Variants in ZBTB17 observed in about 807,000 individuals in gnomAD.
ZBTB17 encodes the protein zinc finger and BTB domain-containing protein 17.
Under a neutral mutation model 85.1 loss-of-function variants are expected in ZBTB17, and 24 were observed. The ratio of observed to expected loss-of-function variants is 0.28; its 90% confidence interval spans 0.20 to 0.40. ZBTB17 has a LOEUF of 0.40. ZBTB17 is among the 10% of genes least tolerant of loss of function. ZBTB17 has a pLI of 1.00. For synonymous variants in ZBTB17, 464 were observed against 460.2 expected (o/e 1.01, Z -0.11); for missense variants, 743 against 1,105.1 (o/e 0.67, Z 4.65).
rs1031714729 is a variant in ZBTB17 at position 15,944,387 on chromosome 1, G to T, written c.1284C>A (p.Ser428=). 1 of 1,560,798 alleles carries T rather than the reference G, an allele frequency of 6.4e-7. No homozygotes were observed. The highest frequency in any genetic ancestry group is 8.7e-7 in the Non-Finnish European group (1 of 1,152,838). Residue 428 remains serine, a synonymous_variant, in exon 9 of 16, where the codon TCC becomes TCA. Transcript: ENST00000375743. ...YQCDYCGRSF[S]DPTSKMRHLE... ...GGTGGCGCATCTTGGAAGTGGGGTC[G>T]GAGAAGGAGCGGCCGCAGTAGTCGC...
intron 4 of ZBTB17, among the ~76,000 whole-genome samples, 176 bp from the exon 5 acceptor site, chr1:15,946,470 C>T: frequency 6.6e-6 from 1 of 152,360 alleles, no homozygotes; most frequent in Middle Eastern, 3.4e-3. Context: ...CCATGCCAGG[C>T]TGATGGCTGG....
At chr1:15,955,591 A>C (rs1380608853) in intron 2 of ZBTB17, among the ~76,000 whole-genome samples, 1 of 152,212 alleles carries the variant, frequency 6.6e-6, no homozygotes, top group Non-Finnish European at 1.5e-5. Flanking sequence ...AATCTTAAAA[A>C]TGTCTAAATA....
intron 3 of ZBTB17, 153 bp downstream of exon 3, chr1:15,948,138 C>A: frequency 1.1e-6 from 1 of 876,076 alleles, no homozygotes; most frequent in South Asian, 1.5e-5. Context: ...GTGGGAGGAA[C>A]TTAGTACTGA....
intron 2 of ZBTB17, among the ~76,000 whole-genome samples, chr1:15,962,819 T>C (rs1018450556): frequency 6.6e-6 from 1 of 152,136 alleles, no homozygotes; most frequent in Non-Finnish European, 1.5e-5. Flanking sequence ...CACATGACTG[T>C]AGTCCCAGCT....
intron 2 of ZBTB17, among the ~76,000 whole-genome samples, chr1:15,970,930 T>C (rs1306374936): frequency 2.0e-5 from 3 of 152,204 alleles, no homozygotes; most frequent in Non-Finnish European, 4.4e-5. Context: ...TGCACTGTGA[T>C]AGCAACCTAG....
At chr1:15,960,058 A>G (rs1198491060) in intron 2 of ZBTB17, among the ~76,000 whole-genome samples, 1 of 152,246 alleles carries the variant, frequency 6.6e-6, no homozygotes, top group African/African-American at 2.4e-5. Context: ...AAACAGAGGA[A>G]GCCCCCTGAC....
chr1:15,969,505 G>A (rs906237057), intron 2 of ZBTB17: 3 of 274,168 alleles, frequency 1.1e-5, no homozygotes, highest in African/African-American at 2.3e-5. Context: ...CTAGGTGCAC[G>A]GGGGCCGAGG....
chr1:15,943,023 G>A, intron 13 of ZBTB17, 41 bp downstream of exon 13: 1 of 1,608,740 alleles, frequency 6.2e-7, no homozygotes, highest in Non-Finnish European at 8.5e-7. Context: ...CCTGGCAGCA[G>A]GGCCTGGGAA....
chr1:15,944,658 TGGCAGGGGCC>T (rs1190408580), intron 8 of ZBTB17, 29 bp downstream of exon 8: 1 of 1,602,552 alleles, frequency 6.2e-7, no homozygotes, highest in Non-Finnish European at 8.5e-7. Flanking sequence ...AGGCCGGGCC[TGGCAGGGGCC>T]GGGGTAGGAG....
intron 12 of ZBTB17, 58 bp downstream of exon 12, chr1:15,943,341 T>C: frequency 6.3e-7 from 1 of 1,581,342 alleles, no homozygotes; most frequent in South Asian, 1.2e-5. Flanking sequence ...CCAGTTTGTC[T>C]TCTGAGCCCC....
Position 15,942,755 on chromosome 1 carries a change from C to T in ZBTB17, c.1829-17G>A. ...GCTTCTCTCCTGGGGGAGCAAGGTT[C>T]TCTCTTGCCTTTGTGGGAAGGGGCC... is the stretch of plus-strand genomic sequence containing the variant. On this transcript the variant is annotated splice_polypyrimidine_tract_variant and intron_variant, in intron 13 of 15. Transcript: ENST00000375743. 1 of 1,612,018 alleles carries T rather than the reference C, an allele frequency of 6.2e-7. No individual in the cohort carries two copies. Among genetic ancestry groups the T allele is most frequent in the Non-Finnish European group, 8.5e-7 (1 of 1,179,444 alleles).
chr1:15,954,693 A>T (rs568661016), intron 2 of ZBTB17, among the ~76,000 whole-genome samples: 3 of 152,144 alleles, frequency 2.0e-5, no homozygotes, highest in African/African-American at 7.2e-5. Flanking sequence ...TACAAAAGAA[A>T]TTTTAAAATT....
At position 15,951,217 on chromosome 1, in the gene ZBTB17, C is replaced by G. The variant is rs912883858; in HGVS notation, c.-2-2720G>C. 6.6e-6 allele frequency among the ~76,000 whole-genome samples: 1 copy of G among 150,990 alleles called. No homozygotes were observed. The highest frequency in any genetic ancestry group is 6.6e-5 in the Admixed American group (1 of 15,184). On this transcript the variant is annotated intron_variant, in intron 2 of 15. Coordinates refer to ENST00000375743, the MANE Select transcript of ZBTB17 (RefSeq NM_003443.3). The surrounding 1 kb of genome is among the most constrained non-coding windows in gnomAD (Gnocchi z 4.1). ...GAGGCTGCCCCAGCAGAGAAACGCA[C>G]CAAAAGGGAAGAAAACAGGAGAAAT...
intron 2 of ZBTB17, among the ~76,000 whole-genome samples, chr1:15,959,260 G>C (rs1382550140): frequency 6.6e-6 from 1 of 152,110 alleles, no homozygotes; most frequent in Non-Finnish European, 1.5e-5. Context: ...TATGAGCCCA[G>C]GCTAAGAATG....
rs1435810950 is a variant in ZBTB17 at position 15,973,515 on chromosome 1, T to G, written c.-89-390A>C. Reference sequence around the variant, plus strand: ...AGCTCATCCCCTCCCATGACTTCAGTGACCTTTGATGGTGATAACTACTAG... The same window carrying G: ...AGCTCATCCCCTCCCATGACTTCAGGGACCTTTGATGGTGATAACTACTAG... On this transcript the variant is annotated intron_variant, in intron 1 of 15. Transcript: ENST00000375743. This position sits in a 1 kb window ranked among gnomAD's most constrained non-coding sequence, Gnocchi z 4.1. Among the ~76,000 whole-genome samples, 1 of 152,216 alleles carries G rather than the reference T, an allele frequency of 6.6e-6. No homozygotes were observed. Among genetic ancestry groups the G allele is most frequent in the Non-Finnish European group, 1.5e-5 (1 of 68,040 alleles).
In ZBTB17 at chr1:15,942,032, C is replaced by T; in HGVS notation, c.2349G>A (p.Glu783=). The T allele has an allele frequency of 5.0e-6, 8 of 1,610,328 alleles. No individual in the cohort carries two copies. Among genetic ancestry groups the T allele is most frequent in the Non-Finnish European group, 6.8e-6 (8 of 1,179,914 alleles). ...ELVFRPRDGA[E]GQPALAETSP... Reference sequence around the variant, plus strand: ...AGGTCTCTGCCAGTGCGGGCTGGCCCTCAGCCCCGTCGCGAGGGCGGAAGA... The same window carrying T: ...AGGTCTCTGCCAGTGCGGGCTGGCCTTCAGCCCCGTCGCGAGGGCGGAAGA... Residue 783 remains glutamate, a synonymous_variant, in exon 16 of 16, where the codon GAG becomes GAA. Coordinates refer to ENST00000375743, the MANE Select transcript of ZBTB17 (RefSeq NM_003443.3).
At chr1:15,950,589 G>A (rs929157608) in intron 2 of ZBTB17, among the ~76,000 whole-genome samples, 1 of 152,220 alleles carries the variant, frequency 6.6e-6, no homozygotes, top group African/African-American at 2.4e-5. Context: ...GGCTTCAGAA[G>A]CAGCCCATCT....
In ZBTB17 at chr1:15,942,023, G is replaced by A. The variant is rs148195969; in HGVS notation, c.2358C>T (p.Pro786=). Residue 786 remains proline (P), a synonymous_variant, in exon 16 of 16, where the codon CCC becomes CCT. Transcript: ENST00000375743. The part of the protein sequence containing the change: ...FRPRDGAEGQ[P]ALAETSPTAP... ...CTGTAGGGGAGGTCTCTGCCAGTGC[G>A]GGCTGGCCCTCAGCCCCGTCGCGAG... 47 of 1,608,444 alleles carry A rather than the reference G, an allele frequency of 2.9e-5. No homozygotes were observed. The highest frequency in any genetic ancestry group is 1.2e-4 in the Admixed American group (7 of 59,976).
chr1:15,959,764 C>A (rs975400621), intron 2 of ZBTB17, among the ~76,000 whole-genome samples: 1 of 152,032 alleles, frequency 6.6e-6, no homozygotes, highest in Non-Finnish European at 1.5e-5. Flanking sequence ...CAGAGCAAAA[C>A]TCTGTCAAAA....
Sources: allele counts gnomAD v4.1 joint callset (sites outside exome capture counted in the v4.1 genomes callset), GRCh38; gene constraint gnomAD v4.1.1; non-coding constraint Gnocchi (gnomAD v3.1); transcripts MANE v1.5; gene names NCBI Gene and HGNC (gene_info 2026-07-23, HGNC 2026-07-21).